The following FYN variants were observed in gnomAD, a reference collection of about 807,000 sequenced individuals.
FYN encodes the protein FYN proto-oncogene, Src family tyrosine kinase, also known as tyrosine-protein kinase Fyn.
Under a neutral mutation model 70.2 loss-of-function variants are expected in FYN, and 10 were observed. The ratio of observed to expected loss-of-function variants is 0.14; its 90% CI spans 0.09 to 0.24. The LOEUF is 0.24. FYN is among the 10% of genes least tolerant of loss of function. The pLI, the probability that FYN is intolerant of heterozygous loss-of-function variation, is 1.00. For synonymous variants in FYN, 236 were observed against 248.6 expected, an observed-to-expected ratio of 0.95 and a Z score of 0.48; for missense variants, 319 against 673.1, an observed-to-expected ratio of 0.47 and a Z score of 5.82.
intron 3 of FYN, among the ~76,000 whole-genome samples, chr6:111,777,059 T>C (rs541616853): frequency 3.2e-4 from 48 of 152,344 alleles, no homozygotes; most frequent in Non-Finnish European, 5.7e-4. Context: ...TTAGAGGTCA[T>C]CAAATGACTA....
intron 4 of FYN, 77 bp from the exon 5 acceptor site, chr6:111,714,520 A>C (rs1016978192): frequency 1.9e-6 from 2 of 1,047,784 alleles, no homozygotes; most frequent in Admixed American, 3.6e-5. Flanking sequence ...ATCTTCACTA[A>C]AATCTCATTC....
Position 111,694,287 on chromosome 6 carries a change from A to C in FYN, c.1273+88T>G. The C allele has an allele frequency of 6.8e-7, 1 of 1,479,008 alleles. No individual in the cohort carries two copies. Among genetic ancestry groups the C allele is most frequent in the Non-Finnish European group, 9.3e-7 (1 of 1,075,002 alleles). The allele number at this position is 1,479,008 out of a possible 1,614,324, so 91.6% of individuals were successfully genotyped here. On this transcript the variant is annotated intron_variant, in intron 12 of 13. Coordinates refer to ENST00000354650, the MANE Select transcript of FYN (RefSeq NM_002037.5). The surrounding 1 kb of genome is among the most constrained non-coding windows in gnomAD (Gnocchi z 5.0). ...TGACATTTCAAGTATTTTCTGAAGGAAGGGAAGGGAAGGAGGAAGGAAGGG... is the reference window on the plus strand; with the variant it reads ...TGACATTTCAAGTATTTTCTGAAGGCAGGGAAGGGAAGGAGGAAGGAAGGG...
chr6:111,860,537 G>A (rs1365911745), intron 1 of FYN, among the ~76,000 whole-genome samples: 1 of 152,194 alleles, frequency 6.6e-6, no homozygotes, highest in African/African-American at 2.4e-5. Context: ...GAAAGCAGTA[G>A]GGCTTGCCTT....
At chr6:111,708,545 C>T (rs1465278715) in intron 5 of FYN, among the ~76,000 whole-genome samples, 1 of 152,166 alleles carries the variant, frequency 6.6e-6, no homozygotes, top group Non-Finnish European at 1.5e-5. Context: ...GGGATGAAGG[C>T]ATGCTCTAAA....
chr6:111,669,475 T>G (rs1027376645), intron 13 of FYN, among the ~76,000 whole-genome samples: 1 of 148,656 alleles, frequency 6.7e-6, no homozygotes, highest in Non-Finnish European at 1.5e-5. Context: ...GTGTTCCTGT[T>G]CTACCAGGTC....
chr6:111,745,667 G>A (rs62413662), intron 3 of FYN, among the ~76,000 whole-genome samples: 2 of 152,164 alleles, frequency 1.3e-5, no homozygotes, highest in Non-Finnish European at 2.9e-5. Flanking sequence ...TTGTATTTCA[G>A]AAACAGTGCT....
intron 3 of FYN, among the ~76,000 whole-genome samples, chr6:111,759,620 A>C (rs1359232499): frequency 6.6e-5 from 10 of 152,110 alleles, no homozygotes; most frequent in Non-Finnish European, 1.3e-4. Flanking sequence ...CTTGCCCTTC[A>C]GGACTTTGGT....
chr6:111,850,268 T>A (rs542016875), intron 1 of FYN, among the ~76,000 whole-genome samples: 5 of 152,342 alleles, frequency 3.3e-5, no homozygotes, highest in South Asian at 4.1e-4. Context: ...AAACAAGGTA[T>A]AATTTTCCCT....
chr6:111,773,590 AAGGGAAAGGGAGAGAGGGGGAGGGAG>A (rs1562515408), intron 3 of FYN, among the ~76,000 whole-genome samples: 59 of 19,040 alleles, frequency 3.1e-3, no homozygotes, highest in East Asian at 0.021. Flanking sequence ...GGGGGAGGGA[AAGGGAAAGGGAGAGAGGGGGAGGGAG>A]AGAGGGGGAA....
chr6:111,709,752 C>T (rs1271083085), intron 5 of FYN, among the ~76,000 whole-genome samples: 1 of 152,096 alleles, frequency 6.6e-6, no homozygotes, highest in African/African-American at 2.4e-5. Flanking sequence ...TATATATGAA[C>T]CCCGTGAACC....
At chr6:111,772,164 G>GTTATTCCT (rs1188266222) in intron 3 of FYN, among the ~76,000 whole-genome samples, 2 of 152,094 alleles carry the variant, frequency 1.3e-5, no homozygotes, top group Non-Finnish European at 2.9e-5. Context: ...CTTTGCTAAA[G>GTTATTCCT]TTATTCCTTC....
At chr6:111,818,186 T>C (rs1281369361) in intron 2 of FYN, among the ~76,000 whole-genome samples, 2 of 152,114 alleles carry the variant, frequency 1.3e-5, no homozygotes, top group African/African-American at 4.8e-5. Flanking sequence ...CCCCAAATAA[T>C]CCTGCACAGA....
intron 3 of FYN, among the ~76,000 whole-genome samples, chr6:111,752,420 T>TAACAGGAGCTTAGTGGA (rs1802531225): frequency 6.6e-6 from 1 of 152,238 alleles, no homozygotes; most frequent in Admixed American, 6.5e-5. Flanking sequence ...TGTAGGGTGC[T>TAACAGGAGCTTAGTGGA]AACAGGAGCT....
intron 5 of FYN, among the ~76,000 whole-genome samples, chr6:111,713,227 C>T (rs1272662137): frequency 6.6e-6 from 1 of 152,130 alleles, no homozygotes; most frequent in East Asian, 1.9e-4. Flanking sequence ...GTGGGCTTTC[C>T]AAGGAGGCAG....
intron 8 of FYN, among the ~76,000 whole-genome samples, chr6:111,701,400 A>T (rs1371865849): frequency 2.0e-5 from 3 of 152,172 alleles, no homozygotes; most frequent in African/African-American, 7.2e-5. Flanking sequence ...GCTGGGCTGT[A>T]ACTTGCTTTT....
At chr6:111,774,355 C>T (rs942530651) in intron 3 of FYN, among the ~76,000 whole-genome samples, 3 of 152,104 alleles carry the variant, frequency 2.0e-5, no homozygotes, top group African/African-American at 4.8e-5. Context: ...TCAGATAGTG[C>T]GGGTGTGCAC....
At chr6:111,767,495 G>A (rs1283610255) in intron 3 of FYN, among the ~76,000 whole-genome samples, 1 of 152,100 alleles carries the variant, frequency 6.6e-6, no homozygotes, top group Non-Finnish European at 1.5e-5. Flanking sequence ...TCTGCCTCCC[G>A]GGTTCAAGTG....
chr6:111,870,572 G>A (rs138662898), intron 1 of FYN, among the ~76,000 whole-genome samples: 213 of 152,320 alleles, frequency 1.4e-3, no homozygotes, highest in African/African-American at 4.8e-3. Flanking sequence ...AACAAGATAA[G>A]TAAGATAAGG....
At chr6:111,792,744 G>A (rs147464751) in intron 2 of FYN, among the ~76,000 whole-genome samples, 6 of 152,198 alleles carry the variant, frequency 3.9e-5, no homozygotes, top group East Asian at 1.9e-4. Context: ...CTAGTCTTGC[G>A]GCAGCTTGAC....
Sources: allele counts gnomAD v4.1 joint callset (sites outside exome capture counted in the v4.1 genomes callset), GRCh38; gene constraint gnomAD v4.1.1; non-coding constraint Gnocchi (gnomAD v3.1); transcripts MANE v1.5; gene names NCBI Gene and HGNC (gene_info 2026-07-23, HGNC 2026-07-21).